The following DPH6 variants were observed in gnomAD, a reference collection of about 807,000 sequenced individuals.
DPH6 encodes the protein diphthine--ammonia ligase.
A neutral mutation model predicts 38.2 loss-of-function variants in DPH6; 33 were observed. The observed-to-expected ratio is 0.86, with a 90% CI of 0.65 to 1.15. The LOEUF (loss-of-function observed/expected upper bound fraction) is 1.15, where lower values mean the gene tolerates loss of function less well. Ranked by LOEUF, DPH6 falls within the 50% of genes most tolerant of loss-of-function variation. The pLI is 0.00. For synonymous variants in DPH6, 108 were observed against 103.0 expected (o/e 1.05, Z -0.30); for missense variants, 325 against 320.0 (o/e 1.02, Z -0.12).
chr15:35,374,449 A>G (rs1158879562), intron 7 of DPH6, among the ~76,000 whole-genome samples: 1 of 152,096 alleles, frequency 6.6e-6, no homozygotes, highest in Non-Finnish European at 1.5e-5. Context: ...CGCTAATGTA[A>G]AAATATTTTT....
the DPH6 span, among the ~76,000 whole-genome samples, chr15:35,191,321 A>G: frequency 6.6e-5 from 10 of 152,188 alleles, no homozygotes; most frequent in Admixed American, 2.6e-4. Flanking sequence ...TTTCATGACC[A>G]TGTCCTTTAA....
chr15:35,186,915 T>G, the DPH6 span, among the ~76,000 whole-genome samples: 12 of 152,256 alleles, frequency 7.9e-5, no homozygotes, highest in African/African-American at 2.6e-4. Flanking sequence ...AAAAGATAAT[T>G]TTGGCTTAAA....
chr15:35,511,198 C>T (rs551151037), intron 3 of DPH6, among the ~76,000 whole-genome samples: 41 of 152,246 alleles, frequency 2.7e-4, no homozygotes, highest in Admixed American at 1.0e-3. Context: ...AAGAGTTTAT[C>T]TGGTTTCACA....
chr15:35,233,424 T>C (rs902870722), intron 3 of DPH6, among the ~76,000 whole-genome samples: 1 of 152,188 alleles, frequency 6.6e-6, no homozygotes, highest in African/African-American at 2.4e-5. Context: ...TTTGTTGTTA[T>C]AAAAATTAAA....
the DPH6 span, among the ~76,000 whole-genome samples, chr15:35,179,222 A>AG: frequency 6.6e-6 from 1 of 151,192 alleles, no homozygotes; most frequent in East Asian, 1.9e-4. Context: ...AAAAAAAAAA[A>AG]AAAAAGAAAA....
chr15:35,188,888 T>A, the DPH6 span, among the ~76,000 whole-genome samples: 49 of 150,924 alleles, frequency 3.2e-4, no homozygotes, highest in African/African-American at 1.2e-3. Flanking sequence ...AAAAAAAAAA[T>A]TCATGATTTC....
the DPH6 span, among the ~76,000 whole-genome samples, chr15:35,170,122 C>T: frequency 2.6e-5 from 4 of 152,242 alleles, no homozygotes; most frequent in Admixed American, 6.5e-5. Flanking sequence ...AATCAACTGT[C>T]GGTCAGTGTC....
chr15:35,467,437 G>A (rs929260621), intron 3 of DPH6, among the ~76,000 whole-genome samples: 3 of 152,076 alleles, frequency 2.0e-5, no homozygotes, highest in African/African-American at 4.8e-5. Context: ...ATGGTGGTGC[G>A]CACCTGTAAT....
chr15:35,306,467 G>C (rs192021268), intron 3 of DPH6, among the ~76,000 whole-genome samples: 1 of 152,262 alleles, frequency 6.6e-6, no homozygotes, highest in Admixed American at 6.5e-5. Context: ...AGCCAAAGCA[G>C]GGCAGAGTCA....
At chr15:35,174,218 T>C in the DPH6 span, among the ~76,000 whole-genome samples, 1 of 147,760 alleles carries the variant, frequency 6.8e-6, no homozygotes, top group African/African-American at 2.5e-5. Flanking sequence ...CAACATATTA[T>C]CTTTCTTTTA....
chr15:35,496,591 T>TATATATATATATATATATATATA (rs1595417564), intron 3 of DPH6, among the ~76,000 whole-genome samples: 2 of 119,864 alleles, frequency 1.7e-5, no homozygotes, highest in Non-Finnish European at 3.3e-5. Flanking sequence ...TATATATATA[T>TATATATATATATATATATATATA]CCTCTACCAA....
chr15:35,527,077 C>G lies in DPH6; in HGVS notation c.312+11197G>C, dbSNP rs1008575523. Among the ~76,000 whole-genome samples the G allele has an allele frequency of 9.2e-5, 14 of 152,234 alleles. 1 individual carries two copies. Among genetic ancestry groups the G allele is most frequent in the East Asian group, 7.7e-4 (4 of 5,184 alleles). ...CTTTCACAACTGAACGTTTATCATTCGTTTTCTTCTCTGCATTAACTTACT... is the reference window on the plus strand; with the variant it reads ...CTTTCACAACTGAACGTTTATCATTGGTTTTCTTCTCTGCATTAACTTACT... On this transcript the variant is annotated intron_variant, in intron 3 of 8. Transcript: ENST00000256538.
At chr15:35,536,336 A>G (rs1341177571) in intron 3 of DPH6, among the ~76,000 whole-genome samples, 2 of 152,142 alleles carry the variant, frequency 1.3e-5, no homozygotes, top group African/African-American at 2.4e-5. Context: ...TAATATTTCT[A>G]CACAGGAAAA....
At chr15:35,375,572 T>C (rs1282916591) in intron 7 of DPH6, among the ~76,000 whole-genome samples, 11 of 152,118 alleles carry the variant, frequency 7.2e-5, no homozygotes, top group Admixed American at 7.2e-4. Context: ...ACTAAGACAA[T>C]TGTGCCACAG....
chr15:35,357,932 C>G (rs2052579820), intron 3 of DPH6, among the ~76,000 whole-genome samples: 1 of 152,316 alleles, frequency 6.6e-6, no homozygotes, highest in South Asian at 2.1e-4. Context: ...GTCTGGGTCT[C>G]TAGCAAGGCT....
intron 3 of DPH6, among the ~76,000 whole-genome samples, chr15:35,271,151 T>C (rs2051819785): frequency 6.6e-6 from 1 of 152,200 alleles, no homozygotes; most frequent in Non-Finnish European, 1.5e-5. Context: ...TTTCACAGTG[T>C]GTAACTAACA....
chr15:35,454,876 A>T, intron 3 of DPH6, 56 bp from the exon 4 acceptor site: 1 of 1,282,678 alleles, frequency 7.8e-7, no homozygotes, highest in Non-Finnish European at 1.1e-6. Flanking sequence ...ATGGCTCCAC[A>T]TCATGCTCTG....
chr15:35,503,260 A>G (rs2054651146), intron 3 of DPH6, among the ~76,000 whole-genome samples: 1 of 151,964 alleles, frequency 6.6e-6, no homozygotes, highest in African/African-American at 2.4e-5. Context: ...AAGTGATCTC[A>G]CCTACCAAAC....
Position 35,355,420 on chromosome 15 carries a change from A to G in DPH6, n.207+18101T>C, listed in dbSNP as rs937519851. On this transcript the variant is annotated intron_variant and non_coding_transcript_variant, in intron 3 of 3. Transcript: ENST00000558973. ...ATTTGGCATGTTTTTGCAGTGGCTG[A>G]TACCGCTTGTTCCTTTCCATGTTTA... Among the ~76,000 whole-genome samples, 3 of 152,256 alleles carry G rather than the reference A, an allele frequency of 2.0e-5. No homozygotes were observed. The East Asian group carries it at 5.8e-4, about 29-fold the overall frequency.
Sources: allele counts gnomAD v4.1 joint callset (sites outside exome capture counted in the v4.1 genomes callset), GRCh38; gene constraint gnomAD v4.1.1; transcripts MANE v1.5; gene names NCBI Gene and HGNC (gene_info 2026-07-23, HGNC 2026-07-21).